The following CFAP58 variants were observed in gnomAD, a reference collection of about 807,000 sequenced individuals.
The protein encoded by CFAP58 is cilia- and flagella-associated protein 58.
CFAP58 carries 88 observed loss-of-function variants against 119.5 expected under a neutral mutation model. That is an observed-to-expected ratio of 0.74 (90% CI 0.62 to 0.88). The LOEUF is 0.88. Among genes scored for constraint, CFAP58 ranks in the 40% least tolerant of loss-of-function variants. The pLI, the probability that CFAP58 is intolerant of heterozygous loss-of-function variation, is 0.00. For missense variants in CFAP58, 990 were observed against 1,021.2 expected, an observed-to-expected ratio of 0.97 and a Z score of 0.42; for synonymous variants, 365 against 366.3, an observed-to-expected ratio of 1.00 and a Z score of 0.04.
At chr10:104,345,146 C>CAA in the CFAP58 span, among the ~76,000 whole-genome samples, 28 of 128,480 alleles carry the variant, frequency 2.2e-4, no homozygotes, top group African/African-American at 6.9e-4. Context: ...GACTCTGTCT[C>CAA]AAAAAAAAAC....
chr10:104,449,271 C>T (rs73336919), intron 16 of CFAP58, among the ~76,000 whole-genome samples: 2,687 of 151,676 alleles, frequency 0.018, 74 homozygotes, highest in African/African-American at 0.062. Context: ...CAGATGAACA[C>T]TAAGAAGGCT....
intron 7 of CFAP58, among the ~76,000 whole-genome samples, chr10:104,375,234 A>G (rs1183468154): frequency 6.7e-6 from 1 of 150,156 alleles, no homozygotes; most frequent in Non-Finnish European, 1.5e-5. Flanking sequence ...ATTTACAAAT[A>G]TATATATAAA....
chr10:104,430,913 G>C (rs930272337), intron 15 of CFAP58, among the ~76,000 whole-genome samples: 2 of 152,146 alleles, frequency 1.3e-5, no homozygotes, highest in East Asian at 3.8e-4. Flanking sequence ...TTTGTACTAA[G>C]TTTACACTAT....
intron 9 of CFAP58, among the ~76,000 whole-genome samples, chr10:104,391,180 A>G (rs1167191241): frequency 1.3e-5 from 2 of 152,220 alleles, no homozygotes; most frequent in Admixed American, 6.5e-5. Context: ...GTCATGGTGA[A>G]TATCAGGATG....
intron 9 of CFAP58, chr10:104,382,415 G>T: frequency 2.0e-6 from 1 of 501,474 alleles, no homozygotes; most frequent in South Asian, 2.9e-5. Context: ...TCCATTCCGA[G>T]GTGCCATCAC....
intron 15 of CFAP58, among the ~76,000 whole-genome samples, chr10:104,408,655 T>A (rs561586675): frequency 3.9e-5 from 6 of 152,222 alleles, no homozygotes; most frequent in Non-Finnish European, 8.8e-5. Context: ...TGTTTTATAT[T>A]TCATGGACTG....
rs147649081 is a variant in CFAP58 at position 104,400,758 on chromosome 10, A to C, written c.1894A>C (p.Lys632Gln). The C allele has an allele frequency of 1.2e-5, 20 of 1,614,162 alleles. No homozygotes were observed. The African/African-American group carries it at 2.5e-4, about 20-fold the overall frequency. Residue 632 changes from lysine (K) to glutamine (Q), a missense_variant, in exon 13 of 18, where the codon AAG (lysine) becomes CAG (glutamine). Coordinates refer to ENST00000369704, the MANE Select transcript of CFAP58 (RefSeq NM_001008723.2). ...DELALLYEKI[K>Q]IQQSVLNKGE... ...GTTAGCTTTGCTCTATGAGAAGATCAAGATCCAACAGTCTGTGCTGAATAA... is the reference window on the plus strand; with the variant it reads ...GTTAGCTTTGCTCTATGAGAAGATCCAGATCCAACAGTCTGTGCTGAATAA...
At chr10:104,385,574 T>C (rs1249948321) in intron 9 of CFAP58, among the ~76,000 whole-genome samples, 1 of 152,094 alleles carries the variant, frequency 6.6e-6, no homozygotes, top group Non-Finnish European at 1.5e-5. Context: ...CTTAGCACTT[T>C]GGGAGGCTGA....
chr10:104,454,575 G>A lies in CFAP58; in HGVS notation c.*45G>A, dbSNP rs760169752. ...TCCAGTTGAACAACTCATGAAATCT[G>A]CTCTGGGACATTTTGGGGGAATCTC... On this transcript the variant is annotated 3_prime_UTR_variant, in exon 18 of 18. Transcript: ENST00000369704. The A allele has an allele frequency of 3.6e-6, 5 of 1,399,004 alleles. No homozygotes were observed. The South Asian group carries it at 5.8e-5, about 16-fold the overall frequency. The allele number at this position is 1,399,004 out of a possible 1,614,324, so 86.7% of individuals were successfully genotyped here.
rs2012061839 is a variant in CFAP58, at chr10:104,392,267, A to G, written c.1400A>G (p.Glu467Gly). ...LMNMEDIKVRETQIFDYRKKI... is the reference protein window; with the variant it reads ...LMNMEDIKVRGTQIFDYRKKI... ...AACATGGAAGACATAAAAGTTCGTG[A>G]AACACAGATTTTTGACTACAGGAAA... Residue 467 changes from glutamate (E) to glycine (G), a missense_variant, in exon 10 of 18, where the codon GAA (glutamate) becomes GGA (glycine). Transcript: ENST00000369704. The G allele has an allele frequency of 6.2e-7, 1 of 1,612,504 alleles. No individual in the cohort carries two copies. Among genetic ancestry groups the G allele is most frequent in the African/African-American group, 1.3e-5 (1 of 74,778 alleles).
intron 11 of CFAP58, among the ~76,000 whole-genome samples, chr10:104,394,587 CATTAA>C (rs1468802288): frequency 6.6e-6 from 1 of 152,126 alleles, no homozygotes; most frequent in Non-Finnish European, 1.5e-5. Context: ...AAAATTACTA[CATTAA>C]ATTAACTTAA....
At chr10:104,350,590 G>C (rs6584596), upstream of CFAP58, among the ~76,000 whole-genome samples, 61,049 of 152,076 alleles carry the variant, frequency 0.4, 14,358 homozygotes, top group African/African-American at 0.66. Context: ...TGATTGCTCA[G>C]TCATATTTGG....
chr10:104,443,488 T>C (rs974953786), intron 15 of CFAP58, among the ~76,000 whole-genome samples: 1 of 152,208 alleles, frequency 6.6e-6, no homozygotes, highest in Admixed American at 6.5e-5. Context: ...CCCAAGCAAA[T>C]TGATGACTCC....
chr10:104,434,897 C>T (rs1474805792), intron 15 of CFAP58, among the ~76,000 whole-genome samples: 1 of 152,216 alleles, frequency 6.6e-6, no homozygotes, highest in Non-Finnish European at 1.5e-5. Context: ...ATTGAGTCTT[C>T]TACACAGCTC....
chr10:104,375,345 A>AT, intron 7 of CFAP58, among the ~76,000 whole-genome samples: 1 of 152,086 alleles, frequency 6.6e-6, no homozygotes, highest in East Asian at 1.9e-4. Flanking sequence ...GTTGATTTAA[A>AT]TTTTTTCACT....
chr10:104,438,211 A>G (rs553932744), intron 15 of CFAP58, among the ~76,000 whole-genome samples: 1 of 152,304 alleles, frequency 6.6e-6, no homozygotes, highest in South Asian at 2.1e-4. Flanking sequence ...AACACACATT[A>G]TCTCATAACT....
chr10:104,399,522 C>T (rs1564892207), intron 12 of CFAP58, 22 bp downstream of exon 12: 5 of 1,609,228 alleles, frequency 3.1e-6, no homozygotes, highest in South Asian at 1.1e-5. Context: ...CCTTGTCAGA[C>T]TTGCAGACCT....
At chr10:104,340,996 A>G in the CFAP58 span, among the ~76,000 whole-genome samples, 1 of 152,166 alleles carries the variant, frequency 6.6e-6, no homozygotes, top group African/African-American at 2.4e-5. Flanking sequence ...TAGAAATGAA[A>G]ACCCCTAGCC....
At chr10:104,411,383 T>C (rs527499185) in intron 15 of CFAP58, among the ~76,000 whole-genome samples, 1 of 152,332 alleles carries the variant, frequency 6.6e-6, no homozygotes, top group South Asian at 2.1e-4. Flanking sequence ...CCTTCCTTTA[T>C]GTCCCCAATT....
Sources: allele counts gnomAD v4.1 joint callset (sites outside exome capture counted in the v4.1 genomes callset), GRCh38; gene constraint gnomAD v4.1.1; transcripts MANE v1.5; gene names NCBI Gene and HGNC (gene_info 2026-07-23, HGNC 2026-07-21).